The following CSMD3 variants were observed in gnomAD, a reference collection of about 807,000 sequenced individuals.
The protein encoded by CSMD3 is CUB and sushi domain-containing protein 3.
In CSMD3, 177 loss-of-function variants were observed where a neutral mutation model predicts 435.2. The ratio of observed to expected loss-of-function variants is 0.41; its 90% CI spans 0.36 to 0.46. CSMD3 has a LOEUF of 0.46. CSMD3 is among the 20% of genes least tolerant of loss of function. The probability of loss-of-function intolerance (pLI) is 0.34; values close to 1 mark genes in which losing one functional copy is unlikely to be tolerated. For missense variants in CSMD3, 4,265 were observed against 4,504.6 expected (o/e 0.95, Z 1.52); for synonymous variants, 1,656 against 1,520.5 (o/e 1.09, Z -2.07).
At chr8:113,425,647 T>A (rs1588702417) in intron 1 of CSMD3, among the ~76,000 whole-genome samples, 1 of 151,598 alleles carries the variant, frequency 6.6e-6, no homozygotes, top group East Asian at 1.9e-4. Flanking sequence ...AGAAAATGGA[T>A]CTTAAAAGTT....
rs748901647 is a variant in CSMD3 at position 112,921,692 on chromosome 8, C to G, written c.1568G>C (p.Ser523Thr). The change falls in exon 10 of 71, where the codon AGC (serine) becomes ACC (threonine). Residue 523 changes from serine (S) to threonine (T), a missense_variant. Transcript: ENST00000297405. ...DEDYVLQGAK[S>T]ITCQRIAEVF... is the part of the protein sequence containing the mutation. The stretch of plus-strand genomic sequence containing the variant: ...TTCAGCTATCCGTTGACAGGTGATG[C>G]TCTTTGCGCCCTGTAGGACATAATC... 1 of 1,610,584 alleles carries G rather than the reference C, an allele frequency of 6.2e-7. No individual in the cohort carries two copies. Among genetic ancestry groups the G allele is most frequent in the Non-Finnish European group, 8.5e-7 (1 of 1,177,080 alleles).
chr8:112,281,522 T>C (rs1398935617), intron 58 of CSMD3, among the ~76,000 whole-genome samples, 172 bp from the exon 59 acceptor site: 1 of 152,224 alleles, frequency 6.6e-6, no homozygotes, highest in African/African-American at 2.4e-5. Context: ...TATGTTGATT[T>C]TATTCGCTTA....
At position 112,314,328 on chromosome 8, in the gene CSMD3, A is replaced by G. The variant is rs1167541224; in HGVS notation, c.7549+101T>C. 4.5e-6 allele frequency: 4 copies of G among 887,510 alleles called. No homozygotes were observed. The Admixed American group carries it at 7.8e-5, about 17-fold the overall frequency. 55.0% of individuals were successfully genotyped at this position (887,510 alleles called of 1,614,324 possible). Reference sequence around the variant, plus strand: ...TGGTACTTCTAAAAATATCTGTAAGATAAACTCACATAAGCAGCTGTTTAT... The same window carrying G: ...TGGTACTTCTAAAAATATCTGTAAGGTAAACTCACATAAGCAGCTGTTTAT... On this transcript the variant is annotated intron_variant, in intron 48 of 70. Coordinates refer to ENST00000297405, the MANE Select transcript of CSMD3 (RefSeq NM_198123.2).
At chr8:112,856,941 C>T (rs938415164) in intron 11 of CSMD3, among the ~76,000 whole-genome samples, 1 of 151,698 alleles carries the variant, frequency 6.6e-6, no homozygotes, top group Admixed American at 6.6e-5. Context: ...GTTTTTAAAA[C>T]TATGTGCTAT....
At chr8:112,899,642 T>C (rs1394294460) in intron 10 of CSMD3, among the ~76,000 whole-genome samples, 1 of 108,780 alleles carries the variant, frequency 9.2e-6, no homozygotes, top group Non-Finnish European at 1.8e-5. Flanking sequence ...TGTATATACA[T>C]ATATGTGTAC....
intron 10 of CSMD3, among the ~76,000 whole-genome samples, chr8:112,908,949 A>G (rs890626810): frequency 2.6e-5 from 4 of 151,484 alleles, no homozygotes; most frequent in African/African-American, 9.7e-5. Flanking sequence ...AAGTGAGAAG[A>G]TTTTCAGAAG....
chr8:113,344,418 C>A (rs1286872790), intron 1 of CSMD3, among the ~76,000 whole-genome samples: 1 of 152,024 alleles, frequency 6.6e-6, no homozygotes, highest in East Asian at 1.9e-4. Flanking sequence ...ATTATGAAAA[C>A]ATCTATTAAG....
chr8:112,528,866 A>G lies in CSMD3; in HGVS notation c.4565-11641T>C, dbSNP rs140258339. 3.2e-3 allele frequency among the ~76,000 whole-genome samples: 483 copies of G among 152,060 alleles called. 3 individuals are homozygous for G. The highest frequency in any genetic ancestry group is 0.011 in the African/African-American group (449 of 41,506). On this transcript the variant is annotated intron_variant, in intron 27 of 70. Transcript: ENST00000297405. The stretch of plus-strand genomic sequence containing the variant: ...CTTGGTTTGCACATGTAGCACCCCA[A>G]CCATTCCAAGAGGACTCCACAAAGG...
At chr8:112,790,877 G>C (rs1355286000) in intron 13 of CSMD3, among the ~76,000 whole-genome samples, 1 of 152,004 alleles carries the variant, frequency 6.6e-6, no homozygotes, top group Admixed American at 6.6e-5. Context: ...TTACACTAGC[G>C]TTCAGTTTGA....
At chr8:113,394,046 T>C (rs1049894142) in intron 1 of CSMD3, among the ~76,000 whole-genome samples, 3 of 152,060 alleles carry the variant, frequency 2.0e-5, no homozygotes, top group Non-Finnish European at 4.4e-5. Context: ...TGAGAACGTA[T>C]AGAGTCTGCA....
intron 1 of CSMD3, 138 bp from the exon 2 acceptor site, chr8:113,314,931 G>A: frequency 3.3e-6 from 2 of 613,088 alleles, no homozygotes; most frequent in South Asian, 2.1e-5. Context: ...TTAAGAGCTG[G>A]GCACTATATA....
intron 11 of CSMD3, among the ~76,000 whole-genome samples, chr8:112,839,976 C>T (rs544656278): frequency 6.6e-6 from 1 of 151,734 alleles, no homozygotes; most frequent in South Asian, 2.1e-4. Flanking sequence ...TTGTTGTTAA[C>T]CTTATTTTTG....
chr8:112,532,177 ACAGT>A (rs1289627269), intron 27 of CSMD3, among the ~76,000 whole-genome samples: 2 of 152,006 alleles, frequency 1.3e-5, no homozygotes, highest in African/African-American at 4.8e-5. Context: ...TTGAAAATAC[ACAGT>A]CAAAGGATTA....
intron 4 of CSMD3, among the ~76,000 whole-genome samples, chr8:113,140,679 C>T (rs1439846815): frequency 6.6e-6 from 1 of 150,882 alleles, no homozygotes; most frequent in African/African-American, 2.4e-5. Flanking sequence ...AAGAGAAAGC[C>T]TCAAGGGATG....
intron 13 of CSMD3, among the ~76,000 whole-genome samples, chr8:112,771,256 G>T (rs1038372902): frequency 2.6e-5 from 4 of 151,950 alleles, no homozygotes; most frequent in Non-Finnish European, 5.9e-5. Context: ...AAAGTGTGTG[G>T]GGGCAGAGTG....
At chr8:112,944,293 A>C (rs2083538045) in intron 9 of CSMD3, among the ~76,000 whole-genome samples, 1 of 151,376 alleles carries the variant, frequency 6.6e-6, no homozygotes, top group African/African-American at 2.4e-5. Context: ...TCTCTTCTCC[A>C]CTTCTCTGTC....
chr8:113,274,906 A>AAGAG (rs201940257), intron 3 of CSMD3, among the ~76,000 whole-genome samples: 1 of 151,054 alleles, frequency 6.6e-6, no homozygotes, highest in Non-Finnish European at 1.5e-5. Flanking sequence ...CAGAGAAATA[A>AAGAG]AGAGAGAGAG....
At chr8:112,863,408 A>G (rs1212680595) in intron 10 of CSMD3, among the ~76,000 whole-genome samples, 1 of 151,828 alleles carries the variant, frequency 6.6e-6, no homozygotes, top group Non-Finnish European at 1.5e-5. Context: ...TTCGTCATGA[A>G]CTGAAAATAC....
intron 40 of CSMD3, among the ~76,000 whole-genome samples, chr8:112,347,129 T>C (rs1825755216): frequency 6.6e-6 from 1 of 152,144 alleles, no homozygotes; most frequent in African/African-American, 2.4e-5. Context: ...TGTAGGGAGT[T>C]CGTAAATGTG....
Sources: gnomAD v4.1 joint callset for allele counts (sites outside exome capture counted in the v4.1 genomes callset) on GRCh38, gnomAD v4.1.1 for gene constraint, MANE v1.5 for transcripts, NCBI Gene and HGNC (gene_info 2026-07-23, HGNC 2026-07-21) for gene names.